The following CARD14 variants were observed in gnomAD, a reference collection of about 807,000 sequenced individuals.
CARD14 encodes the protein caspase recruitment domain-containing protein 14.
Under a neutral mutation model 111.5 loss-of-function variants are expected in CARD14, and 107 were observed. That is an observed-to-expected ratio of 0.96 (90% CI 0.82 to 1.13). The LOEUF is 1.13. Among genes scored for constraint, CARD14 ranks in the 50% most tolerant of loss-of-function variants. The pLI is 0.00. For synonymous variants in CARD14, 617 were observed against 579.6 expected (o/e 1.06, Z -0.93); for missense variants, 1,322 against 1,362.3 (o/e 0.97, Z 0.47).
intron 2 of CARD14, 142 bp from the exon 3 acceptor site, chr17:80,178,366 G>A (rs2040074923): frequency 6.6e-6 from 1 of 152,246 alleles, no homozygotes; most frequent in African/African-American, 2.4e-5. Flanking sequence ...AGGGGTCAAA[G>A]GTCCGTCGAG....
In CARD14 at chr17:80,205,443, G is replaced by A. The variant is rs2041244378; in HGVS notation, c.2570-88G>A. ...AAGAGCTTCTCCCAGTGCTGGCAGG[G>A]TTCACGGGGACAGGGGTGTTTACCA... On this transcript the variant is annotated intron_variant, in intron 21 of 23. Coordinates refer to ENST00000648509, the MANE Select transcript of CARD14 (RefSeq NM_001366385.1). 17 of 1,515,510 alleles carry A rather than the reference G, an allele frequency of 1.1e-5. No individual in the cohort carries two copies. In the South Asian group the frequency reaches 2.0e-4, roughly 17 times the overall value. The allele number at this position is 1,515,510 out of a possible 1,614,324, so 93.9% of individuals were successfully genotyped here.
Position 80,201,735 on chromosome 17 carries a change from T to G in CARD14, c.1852-9T>G. ...GGGAAAGAGACTGACCTTCTCGACT[T>G]GCCCTCAGGTTGATTACGAAGCCTC... On this transcript the variant is annotated splice_polypyrimidine_tract_variant and intron_variant, in intron 16 of 23. Coordinates refer to ENST00000648509, the MANE Select transcript of CARD14 (RefSeq NM_001366385.1). This position sits in a 1 kb window ranked among gnomAD's most constrained non-coding sequence, Gnocchi z 5.0. 1 of 1,613,976 alleles carries G rather than the reference T, an allele frequency of 6.2e-7. No individual in the cohort carries two copies. The highest frequency in any genetic ancestry group is 2.2e-5 in the East Asian group (1 of 44,874).
chr17:80,190,699 G>A lies in CARD14; in HGVS notation c.964-75G>A. ...ACTGTCTCCCTCCCTCCACCCCTGGGTTCCCCGACCCCCTTCTAAGGCCAG... is the reference window on the plus strand; with the variant it reads ...ACTGTCTCCCTCCCTCCACCCCTGGATTCCCCGACCCCCTTCTAAGGCCAG... On this transcript the variant is annotated intron_variant, in intron 9 of 23. Coordinates refer to ENST00000648509, the MANE Select transcript of CARD14 (RefSeq NM_001366385.1). The A allele has an allele frequency of 1.9e-6, 3 of 1,574,464 alleles. No individual in the cohort carries two copies. In the South Asian group the frequency reaches 3.4e-5, roughly 18 times the overall value.
intron 1 of CARD14, among the ~76,000 whole-genome samples, chr17:80,171,751 C>T (rs886617845): frequency 6.6e-6 from 1 of 152,194 alleles, no homozygotes; most frequent in African/African-American, 2.4e-5. Context: ...CTGCAGAGCC[C>T]CTGTCTTCAG....
intron 16 of CARD14, among the ~76,000 whole-genome samples, chr17:80,199,724 CAA>C (rs553403089): frequency 0.035 from 4,101 of 116,616 alleles, 68 homozygotes; most frequent in Middle Eastern, 0.085. Context: ...ACTAAAAATA[CAA>C]AAAAAAAAAA....
At chr17:80,206,815 CT>C in intron 22 of CARD14, 154 bp from the exon 23 acceptor site, 1 of 441,838 alleles carries the variant, frequency 2.3e-6, no homozygotes, top group Non-Finnish European at 4.1e-6. Flanking sequence ...AAGTGGCAAG[CT>C]CTATTCCCTC....
Position 80,195,525 on chromosome 17 carries a change from C to A in CARD14, c.1500-33C>A, listed in dbSNP as rs1598666750. 6.3e-7 allele frequency: 1 copy of A among 1,583,806 alleles called. No homozygotes were observed. The highest frequency in any genetic ancestry group is 8.6e-7 in the Non-Finnish European group (1 of 1,162,314). On this transcript the variant is annotated intron_variant, in intron 13 of 23. Transcript: ENST00000648509. This position sits in a 1 kb window ranked among gnomAD's most constrained non-coding sequence, Gnocchi z 4.7. Reference sequence around the variant, plus strand: ...GGGGACTCAGAGGGAGCAGGTGATGCAGTTTGAGCCTGCTGCTGCTTATGC... The same window carrying A: ...GGGGACTCAGAGGGAGCAGGTGATGAAGTTTGAGCCTGCTGCTGCTTATGC...
intron 22 of CARD14, 58 bp from the exon 23 acceptor site, chr17:80,206,912 C>T: frequency 7.5e-6 from 10 of 1,334,194 alleles, no homozygotes; most frequent in Non-Finnish European, 1.1e-5. Flanking sequence ...GCGTTGGCTC[C>T]CTTTGCTTCC....
intron 6 of CARD14, among the ~76,000 whole-genome samples, 154 bp from the exon 7 acceptor site, chr17:80,183,759 G>C (rs1180170201): frequency 7.0e-6 from 1 of 143,438 alleles, no homozygotes; most frequent in African/African-American, 2.6e-5. Flanking sequence ...CACATGCTCA[G>C]CTGCCCACAT....
In CARD14 at chr17:80,195,956, C is replaced by T. The variant is rs184828913; in HGVS notation, c.1594+304C>T. The stretch of plus-strand genomic sequence containing the variant: ...CCCAGCCCCCTGCTCTGATCTGTAA[C>T]GCTTGGGCTTCCCAGTGGTTTCAGA... On this transcript the variant is annotated intron_variant, in intron 14 of 23. Transcript: ENST00000648509. This position sits in a 1 kb window ranked among gnomAD's most constrained non-coding sequence, Gnocchi z 4.7. The T allele has an allele frequency of 2.4e-3, 720 of 299,346 alleles. 2 individuals are homozygous for T. The highest frequency in any genetic ancestry group is 0.015 in the African/African-American group (686 of 45,876). The allele number at this position is 299,346 out of a possible 1,614,324, so 18.5% of individuals were successfully genotyped here.
chr17:80,205,955 C>T (rs564718690), intron 22 of CARD14: 7 of 244,346 alleles, frequency 2.9e-5, no homozygotes, highest in Admixed American at 1.0e-4. Flanking sequence ...CGTTTGAAGG[C>T]GCAAACGCGT....
chr17:80,202,479 C>A (rs922496637), intron 18 of CARD14, 59 bp downstream of exon 18: 6 of 1,575,726 alleles, frequency 3.8e-6, no homozygotes, highest in Non-Finnish European at 3.4e-6. Context: ...AAATGGCACC[C>A]AGCCTGCCTC....
chr17:80,193,978 T>C (rs574913461), intron 12 of CARD14, among the ~76,000 whole-genome samples: 31 of 152,098 alleles, frequency 2.0e-4, no homozygotes, highest in African/African-American at 7.5e-4. Flanking sequence ...GAACACACCA[T>C]CCTCATTCAC....
intron 1 of CARD14, among the ~76,000 whole-genome samples, chr17:80,170,687 C>G (rs2039874023): frequency 1.3e-5 from 2 of 152,054 alleles, no homozygotes; most frequent in South Asian, 4.1e-4. Flanking sequence ...CTTAGATGCT[C>G]AGGATTTTAT....
At position 80,198,947 on chromosome 17, in the gene CARD14, T is replaced by C; in HGVS notation, c.1851+356T>C. On this transcript the variant is annotated intron_variant, in intron 16 of 23. Transcript: ENST00000648509. This position sits in a 1 kb window ranked among gnomAD's most constrained non-coding sequence, Gnocchi z 7.5. ...CCACTGGGGCATTTCTTTTCTTTCT[T>C]TTTTTTTGTTTGTTGTTTTGAAACA... The C allele has an allele frequency of 8.9e-7, 1 of 1,120,186 alleles. No homozygotes were observed. Among genetic ancestry groups the C allele is most frequent in the Non-Finnish European group, 1.1e-6 (1 of 913,578 alleles). 69.4% of individuals were successfully genotyped at this position (1,120,186 alleles called of 1,614,324 possible).
chr17:80,194,525 G>A (rs1210863056), intron 12 of CARD14, among the ~76,000 whole-genome samples: 10 of 152,188 alleles, frequency 6.6e-5, no homozygotes, highest in Non-Finnish European at 1.3e-4. Context: ...CAGTTGCTTT[G>A]TGCATTAGTT....
chr17:80,177,967 G>T (rs2040065576), intron 2 of CARD14, among the ~76,000 whole-genome samples: 1 of 152,132 alleles, frequency 6.6e-6, no homozygotes, highest in African/African-American at 2.4e-5. Flanking sequence ...TGGGGGTCAA[G>T]ACTTCAGCAT....
intron 16 of CARD14, among the ~76,000 whole-genome samples, chr17:80,199,113 C>T (rs945558106): frequency 2.0e-5 from 3 of 152,102 alleles, no homozygotes; most frequent in African/African-American, 7.2e-5. Flanking sequence ...CGCTACCGTG[C>T]CCGGCTAATT....
rs747222317 is a variant in CARD14, at chr17:80,181,474, G to A, written c.36G>A (p.Thr12=). The A allele has an allele frequency of 1.2e-5, 19 of 1,586,924 alleles. No individual in the cohort carries two copies. The highest frequency in any genetic ancestry group is 1.7e-4 in the Middle Eastern group (1 of 6,048). The change falls in exon 5 of 24, where the codon ACG becomes ACA. Residue 12 remains threonine (T), a synonymous_variant. Transcript: ENST00000648509. ...TGTGCCGCAGGGACTCCGCACTCAC[G>A]GCACTGGACGAGGAGACACTGTGGG... ...GELCRRDSAL[T]ALDEETLWEM...
Sources: gnomAD v4.1 joint callset for allele counts (sites outside exome capture counted in the v4.1 genomes callset) on GRCh38, gnomAD v4.1.1 for gene constraint, Gnocchi (gnomAD v3.1) non-coding constraint, MANE v1.5 for transcripts, NCBI Gene and HGNC (gene_info 2026-07-23, HGNC 2026-07-21) for gene names.